The following ADGRL3 variants were observed in gnomAD, a reference collection of about 807,000 sequenced individuals.
The protein encoded by ADGRL3 is adhesion G protein-coupled receptor L3.
ADGRL3 carries 62 observed loss-of-function variants against 153.5 expected under a neutral mutation model. That is an observed-to-expected ratio of 0.40 (90% CI 0.33 to 0.50). The LOEUF is 0.50. Among genes scored for constraint, ADGRL3 ranks in the 20% least tolerant of loss-of-function variants. The pLI, the probability that ADGRL3 is intolerant of heterozygous loss-of-function variation, is 0.47. For missense variants in ADGRL3, 1,641 were observed against 1,859.4 expected (o/e 0.88, Z 2.16); for synonymous variants, 710 against 672.5 (o/e 1.06, Z -0.86).
chr4:61,989,068 C>G (rs2099095321), intron 19 of ADGRL3, among the ~76,000 whole-genome samples: 1 of 151,966 alleles, frequency 6.6e-6, no homozygotes, highest in African/African-American at 2.4e-5. Flanking sequence ...CCCCAGACTT[C>G]CTTATTTTCA....
At chr4:61,479,653 G>T (rs942679842) in intron 2 of ADGRL3, among the ~76,000 whole-genome samples, 5 of 152,120 alleles carry the variant, frequency 3.3e-5, no homozygotes, top group Non-Finnish European at 7.4e-5. Flanking sequence ...CTTGATTAAA[G>T]TTATTAAATA....
intron 25 of ADGRL3, among the ~76,000 whole-genome samples, chr4:62,055,933 T>A (rs1159822997): frequency 1.3e-5 from 2 of 151,570 alleles, no homozygotes; most frequent in African/African-American, 4.8e-5. Context: ...TTTATATAAT[T>A]TAATACAAGA....
intron 2 of ADGRL3, among the ~76,000 whole-genome samples, chr4:61,469,383 TAGTA>T (rs1560687290): frequency 6.6e-6 from 1 of 152,096 alleles, no homozygotes; most frequent in Non-Finnish European, 1.5e-5. Flanking sequence ...GACAAGCACA[TAGTA>T]AGTATTCAGT....
At chr4:61,880,839 A>G (rs2098504415) in intron 9 of ADGRL3, among the ~76,000 whole-genome samples, 1 of 152,198 alleles carries the variant, frequency 6.6e-6, no homozygotes, top group Non-Finnish European at 1.5e-5. Flanking sequence ...GAAAAAAATG[A>G]AATGTTTAAT....
At chr4:62,028,190 G>A (rs994161382) in intron 21 of ADGRL3, among the ~76,000 whole-genome samples, 10 of 151,612 alleles carry the variant, frequency 6.6e-5, no homozygotes, top group African/African-American at 2.4e-4. Context: ...TTGAGTATTA[G>A]GATCTTATTT....
intron 1 of ADGRL3, among the ~76,000 whole-genome samples, chr4:61,203,484 A>C (rs991340734): frequency 5.3e-5 from 8 of 152,202 alleles, no homozygotes; most frequent in Admixed American, 2.0e-4. Context: ...ACATCCTTCC[A>C]GCCAGCTGCT....
intron 6 of ADGRL3, among the ~76,000 whole-genome samples, chr4:61,692,048 C>T (rs1482826891): frequency 6.6e-6 from 1 of 152,122 alleles, no homozygotes; most frequent in African/African-American, 2.4e-5. Flanking sequence ...TTATGACTCT[C>T]CTACTCGATT....
intron 13 of ADGRL3, among the ~76,000 whole-genome samples, chr4:61,923,709 T>G (rs1174317800): frequency 6.6e-6 from 1 of 152,196 alleles, no homozygotes; most frequent in Non-Finnish European, 1.5e-5. Flanking sequence ...AAAGAAGCAT[T>G]CTTTGTCCCA....
chr4:61,555,504 G>T (rs2098761143), intron 4 of ADGRL3, among the ~76,000 whole-genome samples: 1 of 152,152 alleles, frequency 6.6e-6, no homozygotes, highest in Non-Finnish European at 1.5e-5. Context: ...TCTCAGAGCT[G>T]TTCTAGATGC....
At chr4:61,368,385 A>G (rs1331901231) in intron 1 of ADGRL3, among the ~76,000 whole-genome samples, 13 of 152,176 alleles carry the variant, frequency 8.5e-5, no homozygotes, top group Non-Finnish European at 1.6e-4. Context: ...TCTTTAATCC[A>G]TCTTGAATTG....
At chr4:61,751,349 GTTA>G (rs755383418) in intron 8 of ADGRL3, among the ~76,000 whole-genome samples, 49 of 152,150 alleles carry the variant, frequency 3.2e-4, no homozygotes, top group Middle Eastern at 3.4e-3. Context: ...TCCATAATAA[GTTA>G]TTATTATTTC....
At chr4:61,258,093 C>T (rs929508940) in intron 1 of ADGRL3, among the ~76,000 whole-genome samples, 1 of 152,190 alleles carries the variant, frequency 6.6e-6, no homozygotes, top group Non-Finnish European at 1.5e-5. Flanking sequence ...CCTATCCCCC[C>T]CAGACTAAAT....
At chr4:61,552,604 G>A (rs1579486932) in intron 4 of ADGRL3, among the ~76,000 whole-genome samples, 1 of 151,958 alleles carries the variant, frequency 6.6e-6, no homozygotes, top group African/African-American at 2.4e-5. Flanking sequence ...GCTGACATCA[G>A]GGGTGTGTGC....
At chr4:61,544,352 A>T (rs2098704025) in intron 4 of ADGRL3, among the ~76,000 whole-genome samples, 1 of 152,168 alleles carries the variant, frequency 6.6e-6, no homozygotes, top group South Asian at 2.1e-4. Flanking sequence ...TTCAGTACCA[A>T]TTAGCTATTT....
chr4:61,779,633 C>CAAAAAA (rs1174232668), intron 8 of ADGRL3, among the ~76,000 whole-genome samples: 2 of 42,092 alleles, frequency 4.8e-5, no homozygotes, highest in African/African-American at 9.8e-5. Flanking sequence ...GACTCTGTCT[C>CAAAAAA]AAAAAAAAAA....
At chr4:61,786,096 A>G (rs1333273876) in intron 8 of ADGRL3, among the ~76,000 whole-genome samples, 1 of 152,182 alleles carries the variant, frequency 6.6e-6, no homozygotes, top group African/African-American at 2.4e-5. Context: ...TAGCTGGATA[A>G]TATGTACAAC....
chr4:61,691,637 C>T (rs980666057), intron 6 of ADGRL3, among the ~76,000 whole-genome samples: 101 of 152,226 alleles, frequency 6.6e-4, no homozygotes, highest in African/African-American at 2.4e-3. Flanking sequence ...TAAAAGTTTG[C>T]TATAATTACT....
chr4:61,799,632 G>A (rs958981724), intron 8 of ADGRL3, among the ~76,000 whole-genome samples: 14 of 152,056 alleles, frequency 9.2e-5, no homozygotes, highest in African/African-American at 3.1e-4. Context: ...TGCCCAGCAT[G>A]CCTCAGTTAA....
intron 1 of ADGRL3, among the ~76,000 whole-genome samples, chr4:61,267,198 A>G (rs1295947840): frequency 6.6e-6 from 1 of 151,758 alleles, no homozygotes; most frequent in Non-Finnish European, 1.5e-5. Flanking sequence ...AAAACAAAAT[A>G]AATGTCGAAT....
Sources: gnomAD v4.1 joint callset for allele counts (sites outside exome capture counted in the v4.1 genomes callset) on GRCh38, gnomAD v4.1.1 for gene constraint, MANE v1.5 for transcripts, NCBI Gene and HGNC (gene_info 2026-07-23, HGNC 2026-07-21) for gene names.